The following FOCAD variants were observed in gnomAD, a reference collection of about 807,000 sequenced individuals.
FOCAD encodes the protein KIAA1797.
In FOCAD, 198 loss-of-function variants were observed where a neutral mutation model predicts 225.6. That is an observed-to-expected ratio of 0.88 (90% CI 0.78 to 0.99). The LOEUF (loss-of-function observed/expected upper bound fraction) is 0.99, where lower values mean the gene tolerates loss of function less well. FOCAD is among the 50% of genes least tolerant of loss of function. The pLI, the probability that FOCAD is intolerant of heterozygous loss-of-function variation, is 0.00. For missense variants in FOCAD, 2,713 were observed against 2,123.6 expected, an observed-to-expected ratio of 1.28 and a Z score of -5.46; for synonymous variants, 897 against 755.0, an observed-to-expected ratio of 1.19 and a Z score of -3.08.
At chr9:20,918,622 G>C (rs1834078783) in intron 24 of FOCAD, among the ~76,000 whole-genome samples, 1 of 151,978 alleles carries the variant, frequency 6.6e-6, no homozygotes, top group Admixed American at 6.5e-5. Context: ...TACTTGGGAG[G>C]CTGAGGCAGG....
Position 20,958,126 on chromosome 9 carries a change from A to C in FOCAD, c.4132+5061A>C, listed in dbSNP as rs536385241. Among the ~76,000 whole-genome samples, 11 of 152,350 alleles carry C rather than the reference A, an allele frequency of 7.2e-5. No homozygotes were observed. In the South Asian group the frequency reaches 1.7e-3, roughly 23 times the overall value. ...TTGACCACTTCTGTAAAATGGAGAA[A>C]ATAATTGACTGTTTTTTATAGAGTT... On this transcript the variant is annotated intron_variant, in intron 35 of 43. Transcript: ENST00000338382.
intron 10 of FOCAD, chr9:20,786,938 A>G: frequency 2.3e-6 from 1 of 441,006 alleles, no homozygotes; most frequent in Admixed American, 2.3e-5. Flanking sequence ...TAGCATTTTC[A>G]CAGGTCCTCC....
At chr9:20,665,533 C>T (rs1429397666) in intron 2 of FOCAD, among the ~76,000 whole-genome samples, 1 of 152,108 alleles carries the variant, frequency 6.6e-6, no homozygotes. Context: ...AGTGCATATC[C>T]ACCTTTTATA....
At chr9:20,809,434 A>C (rs1168436322) in intron 11 of FOCAD, among the ~76,000 whole-genome samples, 2 of 152,186 alleles carry the variant, frequency 1.3e-5, no homozygotes, top group East Asian at 3.9e-4. Context: ...AATTTAAATT[A>C]ATCAAATTGA....
At position 20,796,646 on chromosome 9, in the gene FOCAD, A is replaced by G. The variant is rs192702614; in HGVS notation, c.1455+7038A>G. 1.8e-3 allele frequency among the ~76,000 whole-genome samples: 270 copies of G among 152,214 alleles called. 3 individuals are homozygous for G. In the East Asian group the frequency reaches 0.044, roughly 25 times the overall value. On this transcript the variant is annotated intron_variant, in intron 11 of 43. Transcript: ENST00000338382. Reference sequence around the variant, plus strand: ...AAGTGTCTGTTCATATCCTTTGCCCACTTTTTGATGGGGTTGTTTGTTTTT... The same window carrying G: ...AAGTGTCTGTTCATATCCTTTGCCCGCTTTTTGATGGGGTTGTTTGTTTTT...
rs1018051125 is a variant in FOCAD at position 20,929,611 on chromosome 9, A to G, written c.3317+15A>G. On this transcript the variant is annotated intron_variant, in intron 27 of 43. Coordinates refer to ENST00000338382, the MANE Select transcript of FOCAD (RefSeq NM_001375567.1). ...GAGAAACTCAGGTACAGTTTATTAA[A>G]ATATTCCTGCTTTTCTTCTTTGTGA... The G allele has an allele frequency of 1.2e-6, 2 of 1,604,122 alleles. No homozygotes were observed. Among genetic ancestry groups the G allele is most frequent in the African/African-American group, 2.7e-5 (2 of 74,570 alleles).
rs181621095 is a variant in FOCAD, at chr9:20,791,072, C to T, written c.1455+1464C>T. ...CCAATGTTTTCTTTCAGTGTTGACA[C>T]TTGGTAGGATAATCTCTAGAATAGT... On this transcript the variant is annotated intron_variant, in intron 11 of 43. Coordinates refer to ENST00000338382, the MANE Select transcript of FOCAD (RefSeq NM_001375567.1). 2.6e-5 allele frequency among the ~76,000 whole-genome samples: 4 copies of T among 152,230 alleles called. No homozygotes were observed. The East Asian group carries it at 5.8e-4, about 22-fold the overall frequency.
chr9:20,805,771 G>T (rs1369082450), intron 11 of FOCAD, among the ~76,000 whole-genome samples: 2 of 152,162 alleles, frequency 1.3e-5, no homozygotes, highest in South Asian at 2.1e-4. Flanking sequence ...CGAAGGAATA[G>T]GGGAAAGGGG....
Position 20,661,752 on chromosome 9 carries a change from A to G in FOCAD, c.-78+2926A>G, listed in dbSNP as rs1362445365. ...CTATGGAAGTTAATTCAGTAATACC[A>G]GATTACAAAGGCATTTACACTTAGA... On this transcript the variant is annotated intron_variant, in intron 2 of 45. Coordinates refer to the FOCAD transcript ENST00000380249. Among the ~76,000 whole-genome samples the G allele has an allele frequency of 4.6e-5, 7 of 152,242 alleles. No homozygotes were observed. The East Asian group carries it at 1.3e-3, about 29-fold the overall frequency.
intron 35 of FOCAD, among the ~76,000 whole-genome samples, chr9:20,955,216 A>G (rs1479666518): frequency 6.6e-6 from 1 of 152,176 alleles, no homozygotes; most frequent in Non-Finnish European, 1.5e-5. Flanking sequence ...TTTTAACTTC[A>G]GCAACTCACT....
chr9:20,943,583 G>A (rs1288533734), intron 28 of FOCAD, among the ~76,000 whole-genome samples: 4 of 152,106 alleles, frequency 2.6e-5, no homozygotes, highest in African/African-American at 9.7e-5. Context: ...CACGTTGGGG[G>A]AAGTAAGTAA....
intron 1 of FOCAD, chr9:20,694,454 C>T (rs957679150): frequency 1.2e-4 from 18 of 150,762 alleles, no homozygotes; most frequent in African/African-American, 4.2e-4. Context: ...AAAAATGATA[C>T]TCTCTATATG....
rs1841528982 is a variant in FOCAD, at chr9:20,990,218, G to A, written c.5100G>A (p.Leu1700=). 6.2e-7 allele frequency: 1 copy of A among 1,614,074 alleles called. No homozygotes were observed. Among genetic ancestry groups the A allele is most frequent in the African/African-American group, 1.3e-5 (1 of 74,938 alleles). The change falls in exon 42 of 44, where the codon TTG becomes TTA. Residue 1700 remains leucine (L), a synonymous_variant. Coordinates refer to ENST00000338382, the MANE Select transcript of FOCAD (RefSeq NM_001375567.1). ...TCCTCGGCCTCAGTGCCAGTTGGTT[G>A]CCATGGCATCAGGAGAATGGCCCGG... ...PLLLGLSASW[L]PWHQENGPAG... is the part of the protein sequence containing the mutation.
chr9:20,702,601 GA>G (rs1824051763), intron 1 of FOCAD, among the ~76,000 whole-genome samples: 1 of 152,180 alleles, frequency 6.6e-6, no homozygotes, highest in African/African-American at 2.4e-5. Flanking sequence ...CTTATGTCAT[GA>G]GGTTGTTTTG....
At chr9:20,732,587 T>C (rs967409570) in intron 4 of FOCAD, among the ~76,000 whole-genome samples, 3 of 152,058 alleles carry the variant, frequency 2.0e-5, no homozygotes, top group Non-Finnish European at 4.4e-5. Flanking sequence ...AGAAGGAATG[T>C]ACTGAAGTGT....
intron 18 of FOCAD, among the ~76,000 whole-genome samples, chr9:20,871,674 C>T (rs538036860): frequency 4.9e-5 from 7 of 143,500 alleles, no homozygotes; most frequent in East Asian, 2.1e-4. Flanking sequence ...AACCAAACAC[C>T]GCATGTTCTC....
chr9:20,729,030 G>A (rs1369533882), intron 4 of FOCAD, among the ~76,000 whole-genome samples: 1 of 152,176 alleles, frequency 6.6e-6, no homozygotes, highest in African/African-American at 2.4e-5. Flanking sequence ...ACTGAGATTG[G>A]AATTTCCTGG....
At position 20,825,726 on chromosome 9, in the gene FOCAD, A is replaced by G. The variant is rs142095991; in HGVS notation, c.1920+2611A>G. Among the ~76,000 whole-genome samples, 342 of 152,222 alleles carry G rather than the reference A, an allele frequency of 2.2e-3. 10 individuals are homozygous for G. In the East Asian group the frequency reaches 0.043, roughly 19 times the overall value. On this transcript the variant is annotated intron_variant, in intron 15 of 43. Transcript: ENST00000338382. ...GAACTCTTTCATCTTGAAAGTTATA[A>G]TCATGAAATTCTTTTGTCTTTGCTT... is the stretch of plus-strand genomic sequence containing the variant.
intron 35 of FOCAD, chr9:20,957,485 T>TTTTTTTTTTTTTTTTTTTTTTTTTG: frequency 8.4e-6 from 1 of 119,232 alleles, no homozygotes; most frequent in African/African-American, 3.2e-5. Context: ...TTTCTTTTTT[T>TTTTTTTTTTTTTTTTTTTTTTTTTG]TTTTTTTTTG....
Sources: allele counts gnomAD v4.1 joint callset (sites outside exome capture counted in the v4.1 genomes callset), GRCh38; gene constraint gnomAD v4.1.1; transcripts MANE v1.5; gene names NCBI Gene and HGNC (gene_info 2026-07-23, HGNC 2026-07-21).